Variants in NSMAF observed in about 807,000 individuals in gnomAD.
The protein encoded by NSMAF is protein FAN.
Under a neutral mutation model 134.9 loss-of-function variants are expected in NSMAF, and 90 were observed. The observed-to-expected ratio is 0.67, with a 90% confidence interval of 0.56 to 0.79. The LOEUF is 0.79. Ranked by LOEUF, NSMAF falls within the 30% of genes least tolerant of loss-of-function variation. The pLI is 0.00. For synonymous variants in NSMAF, 358 were observed against 389.6 expected (o/e 0.92, Z 0.96); for missense variants, 1,010 against 1,119.0 (o/e 0.90, Z 1.39).
intron 30 of NSMAF, among the ~76,000 whole-genome samples, 166 bp downstream of exon 30, chr8:58,585,486 G>A (rs1207961559): frequency 4.6e-5 from 7 of 152,136 alleles, no homozygotes; most frequent in Admixed American, 2.0e-4. Context: ...AGTAACCTAC[G>A]AGATGCAGAT....
chr8:58,619,268 C>G (rs1002229015), intron 9 of NSMAF, among the ~76,000 whole-genome samples: 2 of 152,294 alleles, frequency 1.3e-5, no homozygotes, highest in East Asian at 3.9e-4. Context: ...CTGGCAAGTT[C>G]TTTAACACAT....
chr8:58,584,162 T>C lies in NSMAF; in HGVS notation c.2698A>G (p.Ser900Gly), dbSNP rs761470294. The C allele has an allele frequency of 1.4e-5, 22 of 1,613,700 alleles. No homozygotes were observed. Among genetic ancestry groups the C allele is most frequent in the Non-Finnish European group, 1.6e-5 (19 of 1,179,754 alleles). The change falls in exon 31 of 31, where the codon AGT becomes GGT. Residue 900 changes from serine (S) to glycine (G), a missense_variant. Coordinates refer to ENST00000038176, the MANE Select transcript of NSMAF (RefSeq NM_003580.4). Reference protein sequence around the residue: ...TCIWMNEQCSSIITGGEDRQI... With the variant: ...TCIWMNEQCSGIITGGEDRQI... ...CTGTCTTCCCCTCCTGTGATGATACTGCTACACTGTTCATTCATCCATATA... is the reference window on the plus strand; with the variant it reads ...CTGTCTTCCCCTCCTGTGATGATACCGCTACACTGTTCATTCATCCATATA...
Position 58,659,585 on chromosome 8 carries a change from T to G in NSMAF, c.47A>C (p.Tyr16Ser). Residue 16 changes from tyrosine (Y) to serine (S), a missense_variant, in exon 1 of 31, where the codon TAC becomes TCC. By Grantham distance (144) the Tyr-to-Ser change is moderately radical. Transcript: ENST00000038176. Reference sequence around the variant, plus strand: ...GCTGGGCGCGCACCTCTCCTTGGAGTAGAGCTGCAGCTGCTGCTCCTGCTG... The same window carrying G: ...GCTGGGCGCGCACCTCTCCTTGGAGGAGAGCTGCAGCTGCTGCTCCTGCTG... Reference protein sequence around the residue: ...KKQQEQQLQLYSKERFSLLLL... With the variant: ...KKQQEQQLQLSSKERFSLLLL... 6.6e-7 allele frequency: 1 copy of G among 1,515,992 alleles called. No individual in the cohort carries two copies. Among genetic ancestry groups the G allele is most frequent in the Non-Finnish European group, 8.8e-7 (1 of 1,133,712 alleles). The allele number at this position is 1,515,992 out of a possible 1,614,324, so 93.9% of individuals were successfully genotyped here.
Position 58,631,506 on chromosome 8 carries a change from T to G in NSMAF, c.374A>C (p.Lys125Thr). Residue 125 changes from lysine to threonine, a missense_variant, in exon 6 of 31, where the codon AAA (lysine) becomes ACA (threonine). Lys to Thr is a moderately conservative substitution (Grantham distance 78, BLOSUM62 -1). Coordinates refer to ENST00000038176, the MANE Select transcript of NSMAF (RefSeq NM_003580.4). ...AAAAGCTTTACTTACCCTTTCTATT[T>G]TATATGGTGCAACAACATTATGTTC... is the stretch of plus-strand genomic sequence containing the variant. ...IKEHNVVAPY[K>T]IERGKMEYVF... The G allele has an allele frequency of 6.6e-7, 1 of 1,508,246 alleles. No homozygotes were observed. The highest frequency in any genetic ancestry group is 9.0e-7 in the Non-Finnish European group (1 of 1,111,258). The allele number at this position is 1,508,246 out of a possible 1,614,324, so 93.4% of individuals were successfully genotyped here. A position where few individuals can be genotyped will look rare whatever the true frequency, so the allele number is the denominator to read the frequency against.
intron 24 of NSMAF, among the ~76,000 whole-genome samples, chr8:58,590,315 TCCTG>T (rs1805993770): frequency 6.6e-6 from 1 of 152,118 alleles, no homozygotes; most frequent in African/African-American, 2.4e-5. Context: ...CTCTCCAGGG[TCCTG>T]CCCTGGGCTG....
chr8:58,583,709 A>C lies in NSMAF; in HGVS notation c.*397T>G, dbSNP rs1343728663. ...GTGGCAATTGTGATAGATTAGGAAG[A>C]CAAAACAGATTCAGAAGTAGCAGAG... On this transcript the variant is annotated 3_prime_UTR_variant, in exon 31 of 31. Transcript: ENST00000038176. The C allele has an allele frequency of 8.3e-6, 2 of 241,178 alleles. No individual in the cohort carries two copies. Among genetic ancestry groups the C allele is most frequent in the Non-Finnish European group, 1.6e-5 (2 of 123,008 alleles). 14.9% of individuals were successfully genotyped at this position (241,178 alleles called of 1,614,324 possible). A position where few individuals can be genotyped will look rare whatever the true frequency, so the allele number is the denominator to read the frequency against.
At position 58,602,094 on chromosome 8, in the gene NSMAF, T is replaced by TA; in HGVS notation, c.1088dup (p.Gly364ArgfsTer5). On this transcript the variant is annotated frameshift_variant, in exon 14 of 31. Transcript: ENST00000038176. LOFTEE classifies it high-confidence loss of function. The stretch of plus-strand genomic sequence containing the variant: ...CCAGCCGTTCCTTATTTAGGGCCCC[T>TA]ACTGGCTTACTGAGATCCCGGAAGG... 6.2e-7 allele frequency: 1 copy of TA among 1,610,818 alleles called. No homozygotes were observed. Among genetic ancestry groups the TA allele is most frequent in the Non-Finnish European group, 8.5e-7 (1 of 1,177,072 alleles).
intron 28 of NSMAF, 31 bp downstream of exon 28, chr8:58,586,427 T>C: frequency 1.3e-6 from 2 of 1,569,340 alleles, no homozygotes; most frequent in South Asian, 1.1e-5. Flanking sequence ...ATTTACCTAG[T>C]ATTATCTGTT....
chr8:58,615,513 A>G (rs1585743156), intron 9 of NSMAF, among the ~76,000 whole-genome samples: 1 of 152,230 alleles, frequency 6.6e-6, no homozygotes, highest in East Asian at 1.9e-4. Flanking sequence ...TAAATTATAA[A>G]TCAGTACCTA....
chr8:58,619,626 T>C (rs1806737231), intron 9 of NSMAF, among the ~76,000 whole-genome samples: 2 of 152,204 alleles, frequency 1.3e-5, no homozygotes, highest in South Asian at 4.2e-4. Context: ...CTAAAACCTA[T>C]TGCATTCTAT....
At chr8:58,621,583 C>T (rs1200899813) in intron 9 of NSMAF, among the ~76,000 whole-genome samples, 1 of 152,168 alleles carries the variant, frequency 6.6e-6, no homozygotes, top group African/African-American at 2.4e-5. Context: ...CAACAGGGTA[C>T]AAGCATTCCC....
chr8:58,659,525 G>T (rs1466701656), intron 1 of NSMAF, 48 bp downstream of exon 1: 26 of 1,517,252 alleles, frequency 1.7e-5, no homozygotes, highest in Non-Finnish European at 2.2e-5. Flanking sequence ...CCCCACGACC[G>T]GCCCCGACTA....
At chr8:58,639,843 T>C (rs1486433575) in intron 2 of NSMAF, 1 of 233,554 alleles carries the variant, frequency 4.3e-6, no homozygotes, top group East Asian at 1.2e-4. Flanking sequence ...CTTGTGGCCA[T>C]GTGGATGGAC....
At chr8:58,633,637 C>T (rs551744286) in intron 5 of NSMAF, among the ~76,000 whole-genome samples, 2 of 152,300 alleles carry the variant, frequency 1.3e-5, no homozygotes, top group East Asian at 1.9e-4. Flanking sequence ...GAATATAATA[C>T]TTATTGAATC....
At position 58,588,228 on chromosome 8, in the gene NSMAF, G is replaced by A. The variant is rs369027887; in HGVS notation, c.2212-527C>T. On this transcript the variant is annotated intron_variant, in intron 26 of 30. Coordinates refer to ENST00000038176, the MANE Select transcript of NSMAF (RefSeq NM_003580.4). Reference sequence around the variant, plus strand: ...TGTGTAAGATTTCAAAGAAAAGACTGAACATATTCCTACATCGAAAGAATG... The same window carrying A: ...TGTGTAAGATTTCAAAGAAAAGACTAAACATATTCCTACATCGAAAGAATG... Among the ~76,000 whole-genome samples the A allele has an allele frequency of 8.9e-4, 135 of 152,144 alleles. 1 individual carries two copies. In the South Asian group the frequency reaches 0.028, roughly 31 times the overall value.
chr8:58,639,756 A>G (rs1339828165), intron 2 of NSMAF, among the ~76,000 whole-genome samples: 2 of 152,188 alleles, frequency 1.3e-5, no homozygotes, highest in African/African-American at 4.8e-5. Context: ...ATATATGAAT[A>G]TAAAACATAT....
intron 21 of NSMAF, among the ~76,000 whole-genome samples, chr8:58,596,888 G>A (rs1218775335): frequency 1.3e-5 from 2 of 148,610 alleles, no homozygotes; most frequent in African/African-American, 2.5e-5. Flanking sequence ...CCGAGATGGC[G>A]CCACTGCACT....
intron 2 of NSMAF, among the ~76,000 whole-genome samples, chr8:58,639,300 G>A (rs150981925): frequency 0.014 from 1,102 of 76,112 alleles, 15 homozygotes; most frequent in African/African-American, 0.039. Context: ...AAAAAAAAAA[G>A]AAGAAGAAGA....
intron 26 of NSMAF, chr8:58,588,383 A>C (rs1805941521): frequency 1.9e-6 from 2 of 1,038,448 alleles, no homozygotes; most frequent in African/African-American, 1.5e-5. Flanking sequence ...TCTCCAGAGA[A>C]TAGCCTGTCT....
Sources: allele counts gnomAD v4.1 joint callset (sites outside exome capture counted in the v4.1 genomes callset), GRCh38; gene constraint gnomAD v4.1.1; transcripts MANE v1.5; gene names NCBI Gene and HGNC (gene_info 2026-07-23, HGNC 2026-07-21).